F13B: variants seen among roughly 807,000 people sequenced by gnomAD.
F13B encodes coagulation factor XIII B chain, also known as TGase.
In F13B, 58 loss-of-function variants were observed where a neutral mutation model predicts 79.8. The observed-to-expected ratio is 0.73, with a 90% CI of 0.59 to 0.90. F13B has a LOEUF of 0.90. F13B is among the 40% of genes least tolerant of loss of function. F13B has a pLI of 0.00. For missense variants in F13B, 773 were observed against 777.0 expected (o/e 0.99, Z 0.06); for synonymous variants, 283 against 260.3 (o/e 1.09, Z -0.84).
chr1:197,060,597 A>G (rs746808493), intron 4 of F13B, 55 bp from the exon 5 acceptor site: 222 of 1,262,074 alleles, frequency 1.8e-4, no homozygotes, highest in Non-Finnish European at 2.4e-4. Flanking sequence ...TTTCTGCTAC[A>G]ACAAAATGCA....
At chr1:197,048,075 T>C (rs565407073) in intron 10 of F13B, among the ~76,000 whole-genome samples, 24 of 152,056 alleles carry the variant, frequency 1.6e-4, no homozygotes, top group Non-Finnish European at 2.6e-4. Flanking sequence ...ACATGGCACA[T>C]GTATACCTAT....
At chr1:197,047,696 G>GT (rs1273310481) in intron 10 of F13B, among the ~76,000 whole-genome samples, 3 of 152,158 alleles carry the variant, frequency 2.0e-5, no homozygotes, top group Non-Finnish European at 2.9e-5. Context: ...GCACAGATAT[G>GT]TTTTTTGCAG....
chr1:197,046,997 A>G (rs946642972), intron 10 of F13B, among the ~76,000 whole-genome samples: 2 of 152,192 alleles, frequency 1.3e-5, no homozygotes, highest in African/African-American at 4.8e-5. Flanking sequence ...TATACCTTAT[A>G]CAAAAATTAA....
chr1:197,056,106 T>C, intron 7 of F13B, among the ~76,000 whole-genome samples: 1 of 152,158 alleles, frequency 6.6e-6, no homozygotes, highest in East Asian at 1.9e-4. Flanking sequence ...AAAACAACTA[T>C]ACGTATTTTT....
intron 1 of F13B, 136 bp downstream of exon 1, chr1:197,067,024 A>G: frequency 2.2e-6 from 1 of 460,772 alleles, no homozygotes; most frequent in East Asian, 3.9e-5. Flanking sequence ...TAAATATTAT[A>G]AAAAGTTATA....
chr1:197,064,639 CT>C (rs1655983932), intron 1 of F13B, among the ~76,000 whole-genome samples: 1 of 152,128 alleles, frequency 6.6e-6, no homozygotes, highest in African/African-American at 2.4e-5. Context: ...GGTACTATCA[CT>C]GTTCTATATC....
chr1:197,062,746 G>A, intron 2 of F13B, 111 bp downstream of exon 2: 1 of 943,786 alleles, frequency 1.1e-6, no homozygotes. Context: ...TAGTGATTTT[G>A]TTCTTATCTA....
At chr1:197,039,652 T>C (rs937289445) in intron 11 of F13B, among the ~76,000 whole-genome samples, 3 of 152,184 alleles carry the variant, frequency 2.0e-5, no homozygotes, top group East Asian at 1.9e-4. Flanking sequence ...CTCTTAAAAG[T>C]GAGAAATTCA....
Position 197,061,005 on chromosome 1 carries a change from G to C in F13B, c.522C>G (p.Asp174Glu), listed in dbSNP as rs566553356. ...CAGTAGCACATTCGTATTGTACTTT[G>C]TCCTTCACTTTGAATGTTTTCTGTG... ...STTQKTFKVK[D>E]KVQYECATGY... The change falls in exon 4 of 12, where the codon GAC becomes GAG. Residue 174 changes from aspartate (D) to glutamate (E), a missense_variant. Coordinates refer to ENST00000367412, the MANE Select transcript of F13B (RefSeq NM_001994.3). 12 of 1,608,360 alleles carry C rather than the reference G, an allele frequency of 7.5e-6. No individual in the cohort carries two copies. In the African/African-American group the frequency reaches 1.6e-4, roughly 21 times the overall value.
At position 197,057,381 on chromosome 1, in the gene F13B, A is replaced by T; in HGVS notation, c.890T>A (p.Ile297Lys). The part of the protein sequence containing the change: ...THSTTYRHGE[I>K]VHIECELNFE... ...ATTAAGTTCACATTCTATATGAACTATTTCTCCATGACGATAAGTTGTTGA... is the reference window on the plus strand; with the variant it reads ...ATTAAGTTCACATTCTATATGAACTTTTTCTCCATGACGATAAGTTGTTGA... The change falls in exon 6 of 12, where the codon ATA becomes AAA. Residue 297 changes from isoleucine to lysine, a missense_variant. Transcript: ENST00000367412. The T allele has an allele frequency of 1.3e-5, 21 of 1,613,954 alleles. No homozygotes were observed. The highest frequency in any genetic ancestry group is 1.7e-5 in the Non-Finnish European group (20 of 1,179,894).
chr1:197,064,347 GC>G (rs1250246523), intron 1 of F13B, among the ~76,000 whole-genome samples: 1 of 152,060 alleles, frequency 6.6e-6, no homozygotes, highest in Non-Finnish European at 1.5e-5. Context: ...GCTTATAGTG[GC>G]AGTATTCATA....
At chr1:197,043,853 A>C (rs1451040608) in intron 10 of F13B, among the ~76,000 whole-genome samples, 1 of 152,090 alleles carries the variant, frequency 6.6e-6, no homozygotes, top group Non-Finnish European at 1.5e-5. Flanking sequence ...AAGAGGTGAG[A>C]AATGTACATT....
intron 11 of F13B, 121 bp downstream of exon 11, chr1:197,040,398 ATAT>A (rs1028114039): frequency 1.3e-5 from 9 of 681,296 alleles, no homozygotes; most frequent in Middle Eastern, 4.0e-4. Context: ...AATGAAGAAA[ATAT>A]TATTATTTTT....
Position 197,057,131 on chromosome 1 carries a change from A to G in F13B, c.1053T>C (p.Ser351=). The stretch of plus-strand genomic sequence containing the variant: ...CTTTATCCCCATTGTAATAAATCTT[A>G]GAGTGTAAATTTGCTGCACCATTTT... ...FIENGAANLH[S]KIYYNGDKVT... The change falls in exon 7 of 12, where the codon TCT becomes TCC. Residue 351 remains serine (S), a synonymous_variant. Transcript: ENST00000367412. The G allele has an allele frequency of 6.2e-7, 1 of 1,613,940 alleles. No individual in the cohort carries two copies. The highest frequency in any genetic ancestry group is 8.5e-7 in the Non-Finnish European group (1 of 1,179,940).
chr1:197,040,241 T>C (rs1654986102), intron 11 of F13B: 3 of 363,438 alleles, frequency 8.3e-6, no homozygotes, highest in Admixed American at 4.3e-5. Flanking sequence ...TTTTTGCACA[T>C]TGAAATATTG....
chr1:197,062,959 A>G lies in F13B; in HGVS notation c.163T>C (p.Leu55=), dbSNP rs12752091. Residue 55 remains leucine (L), a synonymous_variant, in exon 2 of 12, where the codon TTG becomes CTG. Transcript: ENST00000367412. ...TAACCAGCCAAGCAGAAAAATGACAATTTTTTGTCTATGCTCATTGGAAAG... is the reference window on the plus strand; with the variant it reads ...TAACCAGCCAAGCAGAAAAATGACAGTTTTTTGTCTATGCTCATTGGAAAG... ...FYFPMSIDKK[L]SFFCLAGYTT... 6.2e-7 allele frequency: 1 copy of G among 1,613,776 alleles called. No individual in the cohort carries two copies. Among genetic ancestry groups the G allele is most frequent in the South Asian group, 1.1e-5 (1 of 91,070 alleles).
At chr1:197,064,414 A>G (rs994696881) in intron 1 of F13B, among the ~76,000 whole-genome samples, 3 of 152,216 alleles carry the variant, frequency 2.0e-5, no homozygotes, top group African/African-American at 7.2e-5. Context: ...AGATAAACAC[A>G]TTTTAGACTA....
intron 9 of F13B, 31 bp from the exon 10 acceptor site, chr1:197,050,910 A>G: frequency 6.4e-7 from 1 of 1,553,806 alleles, no homozygotes; most frequent in South Asian, 1.1e-5. Context: ...GTATACAATG[A>G]ATTGCTATAA....
chr1:197,054,551 T>A (rs1655564538), intron 8 of F13B, among the ~76,000 whole-genome samples: 5 of 151,640 alleles, frequency 3.3e-5, no homozygotes, highest in Admixed American at 3.3e-4. Context: ...TAAAAATAAT[T>A]GCAATAAACA....
Sources: gnomAD v4.1 joint callset for allele counts (sites outside exome capture counted in the v4.1 genomes callset) on GRCh38, gnomAD v4.1.1 for gene constraint, MANE v1.5 for transcripts, NCBI Gene and HGNC (gene_info 2026-07-23, HGNC 2026-07-21) for gene names.